STRBP: variants seen among roughly 807,000 people sequenced by gnomAD.
STRBP encodes the protein spermatid perinuclear RNA binding protein.
Under a neutral mutation model 80.1 loss-of-function variants are expected in STRBP, and 13 were observed. That is an observed-to-expected ratio of 0.16 (90% CI 0.11 to 0.26). The LOEUF is 0.26. Ranked by LOEUF, STRBP falls within the 10% of genes least tolerant of loss-of-function variation. The pLI is 1.00. For synonymous variants in STRBP, 284 were observed against 291.2 expected (o/e 0.98, Z 0.25); for missense variants, 485 against 815.2 (o/e 0.59, Z 4.93).
At chr9:123,201,669 A>G (rs1459115725) in intron 2 of STRBP, among the ~76,000 whole-genome samples, 5 of 152,224 alleles carry the variant, frequency 3.3e-5, no homozygotes, top group Admixed American at 6.5e-5. Flanking sequence ...TTTGTGGCCT[A>G]TCATATAATC....
intron 2 of STRBP, among the ~76,000 whole-genome samples, chr9:123,230,151 A>G (rs1031002188): frequency 6.6e-6 from 1 of 152,220 alleles, no homozygotes; most frequent in African/African-American, 2.4e-5. Context: ...ATGAAAAAGC[A>G]GTAGGATCAA....
In STRBP at chr9:123,110,626, A is replaced by G. The variant is rs901963188; in HGVS notation, c.*85-873T>C. On this transcript the variant is annotated intron_variant and NMD_transcript_variant, in intron 3 of 3. Coordinates refer to the STRBP transcript ENST00000471564. The surrounding 1 kb of genome is among the most constrained non-coding windows in gnomAD (Gnocchi z 4.1). ...ACAGTAGGGAGTTCCCACGTGGACCAGCTTTCATTTTGCCTCCATAAGCCC... is the reference window on the plus strand; with the variant it reads ...ACAGTAGGGAGTTCCCACGTGGACCGGCTTTCATTTTGCCTCCATAAGCCC... 5 of 169,634 alleles carry G rather than the reference A, an allele frequency of 2.9e-5. No individual in the cohort carries two copies. The highest frequency in any genetic ancestry group is 9.6e-5 in the African/African-American group (4 of 41,534). 10.5% of individuals were successfully genotyped at this position (169,634 alleles called of 1,614,324 possible). A position where few individuals can be genotyped will look rare whatever the true frequency, so the allele number is the denominator to read the frequency against.
rs1333288288 is a variant in STRBP at position 123,128,275 on chromosome 9, G to A, written c.1898-17C>T. 1 of 1,614,144 alleles carries A rather than the reference G, an allele frequency of 6.2e-7. No homozygotes were observed. The highest frequency in any genetic ancestry group is 1.1e-5 in the South Asian group (1 of 91,078). ...TTCCATAGCCTAGTGCAAAGAAGAA[G>A]AAGGCAGATCAGTCCAAGACCCAGG... On this transcript the variant is annotated splice_polypyrimidine_tract_variant and intron_variant, in intron 17 of 18. Transcript: ENST00000348403.
At position 123,110,695 on chromosome 9, in the gene STRBP, C is replaced by A. The variant is rs1005897722; in HGVS notation, c.*85-942G>T. On this transcript the variant is annotated intron_variant and NMD_transcript_variant, in intron 3 of 3. Transcript: ENST00000471564. This position sits in a 1 kb window ranked among gnomAD's most constrained non-coding sequence, Gnocchi z 4.1. ...GTCCACCTGGAGGCTGGAGACAGCT[C>A]CTCAGAGAGCCAGAGCTACCCTTGG... The A allele has an allele frequency of 5.9e-6, 1 of 169,272 alleles. No individual in the cohort carries two copies. Among genetic ancestry groups the A allele is most frequent in the Non-Finnish European group, 1.5e-5 (1 of 68,206 alleles). 10.5% of individuals were successfully genotyped at this position (169,272 alleles called of 1,614,324 possible).
Position 123,241,959 on chromosome 9 carries a change from T to C in STRBP, c.-301-4993A>G, listed in dbSNP as rs114298333. ...CTCATTTGTACTACTCTCCCTCTTG[T>C]TCATTACACTCCAGACACCCTGTCC... On this transcript the variant is annotated intron_variant, in intron 1 of 18. Transcript: ENST00000348403. 1.6e-3 allele frequency among the ~76,000 whole-genome samples: 251 copies of C among 152,320 alleles called. 1 individual carries two copies. The highest frequency in any genetic ancestry group is 5.7e-3 in the African/African-American group (239 of 41,570).
At chr9:123,218,960 CG>C (rs1486529420) in intron 2 of STRBP, among the ~76,000 whole-genome samples, 1 of 152,048 alleles carries the variant, frequency 6.6e-6, no homozygotes, top group Non-Finnish European at 1.5e-5. Context: ...TTCCAATTCA[CG>C]GATGAGGAAA....
At chr9:123,199,267 G>GT (rs1407185340) in intron 2 of STRBP, among the ~76,000 whole-genome samples, 2 of 152,214 alleles carry the variant, frequency 1.3e-5, no homozygotes, top group African/African-American at 4.8e-5. Flanking sequence ...ACCATATACT[G>GT]TTTTGGTAAC....
At chr9:123,167,642 T>G (rs1431652833) in intron 6 of STRBP, among the ~76,000 whole-genome samples, 1 of 151,544 alleles carries the variant, frequency 6.6e-6, no homozygotes, top group East Asian at 1.9e-4. Context: ...CAAATCTTTC[T>G]GCCATTCAAA....
At chr9:123,111,551 G>T in intron 3 of STRBP, 1 of 467,268 alleles carries the variant, frequency 2.1e-6, no homozygotes. Flanking sequence ...GGCAGGGGCA[G>T]GGCTGGCCTG....
intron 11 of STRBP, among the ~76,000 whole-genome samples, chr9:123,155,713 A>T (rs766356660): frequency 3.9e-5 from 6 of 152,208 alleles, no homozygotes; most frequent in Non-Finnish European, 7.3e-5. Flanking sequence ...ATTGATGAAG[A>T]CAAGAACTAG....
chr9:123,216,635 T>G (rs76798033), intron 2 of STRBP, among the ~76,000 whole-genome samples: 1 of 152,356 alleles, frequency 6.6e-6, no homozygotes, highest in East Asian at 1.9e-4. Flanking sequence ...TGACCACGAT[T>G]CATTCTAAAG....
At position 123,185,988 on chromosome 9, in the gene STRBP, C is replaced by T. The variant is rs992796982; in HGVS notation, c.-164-1690G>A. On this transcript the variant is annotated intron_variant, in intron 2 of 18. Transcript: ENST00000348403. ...CAGAGCTTGCAGTCAGCCAAGATCA[C>T]GCCACTACACTCCAGCCTGGGCGAA... Among the ~76,000 whole-genome samples, 12 of 146,666 alleles carry T rather than the reference C, an allele frequency of 8.2e-5. 2 individuals are homozygous for T. Among genetic ancestry groups the T allele is most frequent in the Admixed American group, 6.2e-4 (9 of 14,458 alleles).
At chr9:123,214,145 TACACACACAC>T (rs138090782) in intron 2 of STRBP, among the ~76,000 whole-genome samples, 25 of 141,442 alleles carry the variant, frequency 1.8e-4, no homozygotes, top group South Asian at 4.6e-4. Context: ...TATATATGTA[TACACACACAC>T]ACACACACAC....
intron 6 of STRBP, among the ~76,000 whole-genome samples, chr9:123,167,972 G>T (rs2037841077): frequency 6.7e-6 from 1 of 150,000 alleles, no homozygotes; most frequent in Non-Finnish European, 1.5e-5. Flanking sequence ...CAAAACCAAG[G>T]AATAAAGATG....
intron 7 of STRBP, 148 bp downstream of exon 7, chr9:123,160,829 A>G: frequency 1.6e-6 from 1 of 631,448 alleles, no homozygotes; most frequent in South Asian, 2.1e-5. Flanking sequence ...GCACATATCT[A>G]AATTAACTCA....
At chr9:123,242,506 A>C (rs2040715844) in intron 1 of STRBP, among the ~76,000 whole-genome samples, 1 of 152,134 alleles carries the variant, frequency 6.6e-6, no homozygotes, top group Non-Finnish European at 1.5e-5. Flanking sequence ...TAAAAATACA[A>C]AAAATTAGCT....
intron 2 of STRBP, among the ~76,000 whole-genome samples, chr9:123,235,447 T>C (rs146814302): frequency 3.5e-4 from 52 of 149,724 alleles, no homozygotes; most frequent in African/African-American, 1.2e-3. Context: ...TTTATTTCTA[T>C]TGTGATTGTC....
intron 11 of STRBP, among the ~76,000 whole-genome samples, chr9:123,150,559 C>T (rs1053530698): frequency 1.3e-5 from 2 of 151,954 alleles, no homozygotes; most frequent in African/African-American, 4.8e-5. Flanking sequence ...GCCTGGGCAA[C>T]ATAGCCAAGC....
At chr9:123,235,733 G>A (rs1312185686) in intron 2 of STRBP, among the ~76,000 whole-genome samples, 1 of 151,762 alleles carries the variant, frequency 6.6e-6, no homozygotes, top group Non-Finnish European at 1.5e-5. Context: ...CTAAAGGGTA[G>A]TCTATGGAAA....
Sources: allele counts gnomAD v4.1 joint callset (sites outside exome capture counted in the v4.1 genomes callset), GRCh38; gene constraint gnomAD v4.1.1; non-coding constraint Gnocchi (gnomAD v3.1); transcripts MANE v1.5; gene names NCBI Gene and HGNC (gene_info 2026-07-23, HGNC 2026-07-21).